ANAPC11: variants seen among roughly 807,000 people sequenced by gnomAD.
ANAPC11 encodes the protein anaphase-promoting complex subunit 11.
A neutral mutation model predicts 11.8 loss-of-function variants in ANAPC11; 5 were observed. That is an observed-to-expected ratio of 0.42 (90% CI 0.22 to 0.89). The LOEUF (loss-of-function observed/expected upper bound fraction) is 0.89, where lower values mean the gene tolerates loss of function less well. Ranked by LOEUF, ANAPC11 falls within the 40% of genes least tolerant of loss-of-function variation. ANAPC11 has a pLI of 0.28. For missense variants in ANAPC11, 68 were observed against 112.9 expected (o/e 0.60, Z 1.80); for synonymous variants, 45 against 41.0 (o/e 1.10, Z -0.38).
rs2039668625 is a variant in ANAPC11, at chr17:81,894,591, GTGT to G, written c.109+6_109+8del. ...TTAACGGATGCTGCCCTGACTGTGA[GTGT>G]CCCCTCCATGCTGTCTGAGCGGCCC... On this transcript the variant is annotated splice_donor_region_variant and intron_variant, in intron 3 of 3. Transcript: ENST00000344877. The G allele has an allele frequency of 2.3e-5, 37 of 1,597,254 alleles. No homozygotes were observed. Among genetic ancestry groups the G allele is most frequent in the Non-Finnish European group, 2.9e-5 (34 of 1,168,778 alleles).
intron 3 of ANAPC11, chr17:81,898,531 T>G (rs577093795): frequency 1.3e-5 from 2 of 152,382 alleles, no homozygotes; most frequent in South Asian, 4.1e-4. Flanking sequence ...TAAGTCATAG[T>G]GAGTCAGTGT....
chr17:81,900,242 C>G lies in ANAPC11; in HGVS notation c.*177C>G. ...ATCCAATAAGTGAAAACTCATTAAA[C>G]TACTCAAATCTTGCTGGAGGCCTCT... On this transcript the variant is annotated 3_prime_UTR_variant, in exon 4 of 4. Transcript: ENST00000344877. The G allele has an allele frequency of 1.0e-6, 1 of 1,004,618 alleles. No homozygotes were observed. The highest frequency in any genetic ancestry group is 1.4e-6 in the Non-Finnish European group (1 of 699,770). The allele number at this position is 1,004,618 out of a possible 1,614,324, so 62.2% of individuals were successfully genotyped here. A position where few individuals can be genotyped will look rare whatever the true frequency, so the allele number is the denominator to read the frequency against.
In ANAPC11 at chr17:81,900,005, C is replaced by T. The variant is rs754818707; in HGVS notation, c.195C>T (p.His65=). The change falls in exon 4 of 4, where the codon CAC becomes CAT. Residue 65 remains histidine (H), a synonymous_variant. Coordinates refer to ENST00000344877, the MANE Select transcript of ANAPC11 (RefSeq NM_001002248.3). The part of the protein sequence containing the change: ...FHMHCILKWL[H]AQQVQQHCPM... Reference sequence around the variant, plus strand: ...TGCATTGCATCCTCAAGTGGCTGCACGCACAGCAGGTGCAGCAGCACTGCC... The same window carrying T: ...TGCATTGCATCCTCAAGTGGCTGCATGCACAGCAGGTGCAGCAGCACTGCC... 67 of 1,612,828 alleles carry T rather than the reference C, an allele frequency of 4.2e-5. No individual in the cohort carries two copies. The highest frequency in any genetic ancestry group is 1.6e-4 in the Middle Eastern group (1 of 6,084).
downstream of ANAPC11, chr17:81,900,302 C>A (rs780979254): frequency 8.9e-5 from 54 of 603,648 alleles, 1 homozygote; most frequent in Non-Finnish European, 1.5e-4. Flanking sequence ...GATGTGGTCT[C>A]GGTGTGTTTT....
At chr17:81,899,655 C>A in intron 3 of ANAPC11, 1 of 1,305,304 alleles carries the variant, frequency 7.7e-7, no homozygotes, top group African/African-American at 1.5e-5. Flanking sequence ...CATGATGAGC[C>A]TGGGTGAGGG....
chr17:81,892,542 T>TTTTTTTTTTTTTTTTGAGACG (rs1891192296), intron 1 of ANAPC11, among the ~76,000 whole-genome samples: 7 of 138,694 alleles, frequency 5.0e-5, no homozygotes, highest in African/African-American at 1.9e-4. Context: ...TTTTTTTTTT[T>TTTTTTTTTTTTTTTTGAGACG]GAGGCAGTCT....
upstream of ANAPC11, chr17:81,891,219 C>T: frequency 2.0e-6 from 2 of 1,001,760 alleles, no homozygotes; most frequent in Non-Finnish European, 2.4e-6. Flanking sequence ...GCCGCTCCAC[C>T]AGCCTTATCC....
chr17:81,892,769 C>T (rs549909278), intron 1 of ANAPC11, among the ~76,000 whole-genome samples: 45 of 152,096 alleles, frequency 3.0e-4, no homozygotes, highest in African/African-American at 8.9e-4. Context: ...ATGATCCGCC[C>T]GCCTTGGCCT....
intron 3 of ANAPC11, chr17:81,898,672 G>T (rs1299205286): frequency 6.5e-6 from 1 of 153,090 alleles, no homozygotes; most frequent in African/African-American, 2.4e-5. Flanking sequence ...GTGGGAGCCC[G>T]AGGCTGGTAA....
intron 1 of ANAPC11, chr17:81,892,161 G>C (rs2039560635): frequency 6.5e-6 from 1 of 152,800 alleles, no homozygotes; most frequent in Middle Eastern, 3.1e-3. Flanking sequence ...GTCACATTTT[G>C]CCAGTCATAT....
At chr17:81,892,037 GC>G (rs1477429095) in intron 1 of ANAPC11, 196 bp downstream of exon 1, 1 of 153,792 alleles carries the variant, frequency 6.5e-6, no homozygotes, top group African/African-American at 2.4e-5. Context: ...CCAGGACTGT[GC>G]GCTCGGCTCG....
upstream of ANAPC11, chr17:81,891,329 G>A (rs1052259492): frequency 2.6e-6 from 3 of 1,162,212 alleles, no homozygotes; most frequent in South Asian, 3.0e-5. Flanking sequence ...TCACCCTGCT[G>A]TAGGGCGCCG....
At chr17:81,891,172 C>A, upstream of ANAPC11, 1 of 387,872 alleles carries the variant, frequency 2.6e-6, no homozygotes, top group Non-Finnish European at 4.2e-6. Flanking sequence ...CCCACCACCC[C>A]CTCCGCGCCC....
At chr17:81,895,346 C>A (rs1322742723) in intron 3 of ANAPC11, among the ~76,000 whole-genome samples, 1 of 152,140 alleles carries the variant, frequency 6.6e-6, no homozygotes, top group Non-Finnish European at 1.5e-5. Flanking sequence ...CCACCGTGCC[C>A]CCCCCAACAT....
intron 3 of ANAPC11, among the ~76,000 whole-genome samples, chr17:81,895,739 G>A (rs1030925001): frequency 6.6e-6 from 1 of 152,214 alleles, no homozygotes; most frequent in African/African-American, 2.4e-5. Flanking sequence ...GGAGGCTGAA[G>A]TGGATGGATC....
At chr17:81,891,197 G>T, upstream of ANAPC11, 1 of 386,864 alleles carries the variant, frequency 2.6e-6, no homozygotes. Flanking sequence ...GCACCCTCCG[G>T]ACCTCCGGGC....
upstream of ANAPC11, chr17:81,890,926 C>T (rs1404270677): frequency 6.6e-7 from 1 of 1,513,652 alleles, no homozygotes; most frequent in Admixed American, 2.0e-5. Context: ...TGAGAGGATC[C>T]GGCCGAAACG....
chr17:81,891,506 G>C, upstream of ANAPC11: 1 of 1,308,386 alleles, frequency 7.6e-7, no homozygotes, highest in South Asian at 1.6e-5. Flanking sequence ...CGCCTCGCTG[G>C]CTCCGGTTCA....
At chr17:81,890,856 G>A (rs1340323433), upstream of ANAPC11, 3 of 1,613,824 alleles carry the variant, frequency 1.9e-6, no homozygotes, top group African/African-American at 1.3e-5. Context: ...AGATCTGTGA[G>A]TCTCAGTCCA....
Sources: gnomAD v4.1 joint callset for allele counts (sites outside exome capture counted in the v4.1 genomes callset) on GRCh38, gnomAD v4.1.1 for gene constraint, MANE v1.5 for transcripts, NCBI Gene and HGNC (gene_info 2026-07-23, HGNC 2026-07-21) for gene names.